Variants in CHRM3 observed in about 807,000 individuals in gnomAD.
CHRM3 encodes the protein cholinergic receptor muscarinic 3, also known as muscarinic acetylcholine receptor M3.
CHRM3 carries 11 observed loss-of-function variants against 41.8 expected under a neutral mutation model. That is an observed-to-expected ratio of 0.26 (90% CI 0.17 to 0.44). CHRM3 has a LOEUF of 0.44. CHRM3 is among the 20% of genes least tolerant of loss of function. The pLI, the probability that CHRM3 is intolerant of heterozygous loss-of-function variation, is 1.00. For synonymous variants in CHRM3, 297 were observed against 301.4 expected (o/e 0.99, Z 0.15); for missense variants, 571 against 745.4 (o/e 0.77, Z 2.72).
intron 1 of CHRM3, among the ~76,000 whole-genome samples, chr1:239,437,769 G>T (rs1005933142): frequency 3.3e-5 from 5 of 152,124 alleles, no homozygotes; most frequent in Non-Finnish European, 7.3e-5. Flanking sequence ...AGGCCAAAAG[G>T]TTCACCAGAA....
In CHRM3 at chr1:239,870,474, G is replaced by A. The variant is rs72760708; in HGVS notation, c.-19-36959G>A. ...ATTCAACCCACCCCTTCCCGGGAGC[G>A]CTAGACAGGCCAGCAATCCAGACAT... On this transcript the variant is annotated intron_variant, in intron 6 of 6. Coordinates refer to ENST00000676153, the MANE Select transcript of CHRM3 (RefSeq NM_001375978.1). Among the ~76,000 whole-genome samples the A allele has an allele frequency of 5.7e-3, 871 of 152,296 alleles. 8 individuals are homozygous for A. Among genetic ancestry groups the A allele is most frequent in the Middle Eastern group, 0.01 (3 of 294 alleles).
At chr1:239,739,908 C>T (rs145537291) in intron 5 of CHRM3, among the ~76,000 whole-genome samples, 71 of 152,196 alleles carry the variant, frequency 4.7e-4, no homozygotes, top group African/African-American at 1.4e-3. Context: ...GCTTAAGACA[C>T]GAACATGAGA....
At chr1:239,476,204 G>A (rs1364468694) in intron 1 of CHRM3, among the ~76,000 whole-genome samples, 2 of 152,138 alleles carry the variant, frequency 1.3e-5, no homozygotes, top group Non-Finnish European at 2.9e-5. Flanking sequence ...GGTGGCTCAT[G>A]CCTGTAATCC....
At chr1:239,618,906 GATTTATTT>G (rs111618138) in intron 3 of CHRM3, among the ~76,000 whole-genome samples, 1 of 142,112 alleles carries the variant, frequency 7.0e-6, no homozygotes, top group Non-Finnish European at 1.5e-5. Context: ...TCTTTTTTAT[GATTTATTT>G]ATTTATTTAT....
intron 5 of CHRM3, chr1:239,707,320 G>A (rs1382641581): frequency 2.0e-5 from 3 of 151,832 alleles, no homozygotes; most frequent in Non-Finnish European, 2.9e-5. Context: ...TATTTTATTC[G>A]CGAGTCTAAA....
At chr1:239,655,812 C>T (rs547581438) in intron 4 of CHRM3, among the ~76,000 whole-genome samples, 1 of 151,984 alleles carries the variant, frequency 6.6e-6, no homozygotes, top group Non-Finnish European at 1.5e-5. Flanking sequence ...CATCCATTGC[C>T]CTTTTTGTAA....
chr1:239,660,712 G>T (rs1673118160), intron 4 of CHRM3, among the ~76,000 whole-genome samples: 1 of 152,070 alleles, frequency 6.6e-6, no homozygotes, highest in African/African-American at 2.4e-5. Flanking sequence ...GCAAAACCCA[G>T]TCTCTACTAA....
intron 3 of CHRM3, among the ~76,000 whole-genome samples, chr1:239,613,996 A>C (rs1302485151): frequency 6.6e-6 from 1 of 152,126 alleles, no homozygotes; most frequent in Non-Finnish European, 1.5e-5. Flanking sequence ...TCTCTACAAA[A>C]AAAATAAAAT....
In CHRM3 at chr1:239,914,069, T is replaced by C. The variant is rs1300222221; in HGVS notation, c.*4845T>C. 6.0e-6 allele frequency: 1 copy of C among 167,092 alleles called. No individual in the cohort carries two copies. Among genetic ancestry groups the C allele is most frequent in the African/African-American group, 2.4e-5 (1 of 41,454 alleles). 10.4% of individuals were successfully genotyped at this position (167,092 alleles called of 1,614,324 possible). ...CATACTCTCCACTGCAAAGAAGCAT[T>C]AGTAAAACTTCCCGCACCCAAATTA... is the stretch of plus-strand genomic sequence containing the variant. On this transcript the variant is annotated 3_prime_UTR_variant, in exon 7 of 7. Coordinates refer to ENST00000676153, the MANE Select transcript of CHRM3 (RefSeq NM_001375978.1).
chr1:239,853,504 A>G (rs975479288), intron 6 of CHRM3, among the ~76,000 whole-genome samples: 2 of 151,910 alleles, frequency 1.3e-5, no homozygotes, highest in Admixed American at 1.3e-4. Flanking sequence ...ATTTTTTCTT[A>G]TACATTTAAT....
At chr1:239,494,266 A>G (rs1480027134) in intron 2 of CHRM3, among the ~76,000 whole-genome samples, 1 of 152,104 alleles carries the variant, frequency 6.6e-6, no homozygotes. Flanking sequence ...GAGAGCAGCT[A>G]GGGATGGCTT....
chr1:239,459,496 A>G (rs531808798), intron 1 of CHRM3, among the ~76,000 whole-genome samples: 1 of 152,218 alleles, frequency 6.6e-6, no homozygotes, highest in African/African-American at 2.4e-5. Flanking sequence ...AGAATCCTTA[A>G]CTTGCTTTAA....
At chr1:239,438,964 G>A (rs1663490555) in intron 1 of CHRM3, among the ~76,000 whole-genome samples, 1 of 152,186 alleles carries the variant, frequency 6.6e-6, no homozygotes, top group Non-Finnish European at 1.5e-5. Context: ...AAGGCACAGT[G>A]CAAACTGGTT....
chr1:239,770,100 G>A (rs939502332), intron 5 of CHRM3, among the ~76,000 whole-genome samples: 7 of 152,094 alleles, frequency 4.6e-5, no homozygotes, highest in East Asian at 1.9e-4. Flanking sequence ...ATCAAAATAC[G>A]TTGAACACTG....
chr1:239,746,743 T>C (rs2148542782), intron 5 of CHRM3, among the ~76,000 whole-genome samples: 1 of 152,156 alleles, frequency 6.6e-6, no homozygotes, highest in South Asian at 2.1e-4. Context: ...TTGCCTTTAT[T>C]ACTCTATTTC....
intron 4 of CHRM3, among the ~76,000 whole-genome samples, chr1:239,656,322 A>C (rs996746296): frequency 1.7e-5 from 2 of 116,944 alleles, no homozygotes; most frequent in Admixed American, 1.9e-4. Flanking sequence ...TTAATAAAAT[A>C]TTTTTTTTTA....
At chr1:239,611,709 G>T (rs370254757) in intron 3 of CHRM3, among the ~76,000 whole-genome samples, 2 of 152,008 alleles carry the variant, frequency 1.3e-5, no homozygotes, top group South Asian at 2.1e-4. Context: ...ATGAGCCACC[G>T]CACCCAGCCG....
At position 239,860,556 on chromosome 1, in the gene CHRM3, C is replaced by T. The variant is rs114219173; in HGVS notation, c.-20+33178C>T. On this transcript the variant is annotated intron_variant, in intron 6 of 6. Coordinates refer to ENST00000676153, the MANE Select transcript of CHRM3 (RefSeq NM_001375978.1). ...CATTTGCACATACATCAGGAGATAT[C>T]TTAGGGGTGTGACCCAAGTGTACAC... is the stretch of plus-strand genomic sequence containing the variant. Among the ~76,000 whole-genome samples, 718 of 152,248 alleles carry T rather than the reference C, an allele frequency of 4.7e-3. 2 individuals carry two copies. Among genetic ancestry groups the T allele is most frequent in the African/African-American group, 0.016 (664 of 41,546 alleles).
At chr1:239,843,049 A>G (rs1368531296) in intron 6 of CHRM3, among the ~76,000 whole-genome samples, 1 of 152,110 alleles carries the variant, frequency 6.6e-6, no homozygotes, top group Non-Finnish European at 1.5e-5. Context: ...ATAAGGACAA[A>G]GCCCCTTATG....
Sources: allele counts gnomAD v4.1 joint callset (sites outside exome capture counted in the v4.1 genomes callset), GRCh38; gene constraint gnomAD v4.1.1; transcripts MANE v1.5; gene names NCBI Gene and HGNC (gene_info 2026-07-23, HGNC 2026-07-21).